IGSF21: variants seen among roughly 807,000 people sequenced by gnomAD.
IGSF21 encodes immunoglobin superfamily member 21, also known as immunoglobulin superfamily member 21.
IGSF21 carries 28 observed loss-of-function variants against 46.8 expected under a neutral mutation model. The ratio of observed to expected loss-of-function variants is 0.60; its 90% CI spans 0.44 to 0.82. The LOEUF (loss-of-function observed/expected upper bound fraction) is 0.82. Ranked by LOEUF, IGSF21 falls within the 40% of genes least tolerant of loss-of-function variation. The pLI is 0.00. For synonymous variants in IGSF21, 284 were observed against 273.6 expected (o/e 1.04, Z -0.38); for missense variants, 624 against 665.5 (o/e 0.94, Z 0.69).
intron 1 of IGSF21, chr1:18,114,143 G>T (rs1024199170): frequency 6.6e-6 from 1 of 152,174 alleles, no homozygotes; most frequent in African/African-American, 2.4e-5. Context: ...CTGGCTGGGG[G>T]TGACCAATCC....
At chr1:18,298,557 T>C (rs2085333039) in intron 3 of IGSF21, among the ~76,000 whole-genome samples, 2 of 152,264 alleles carry the variant, frequency 1.3e-5, no homozygotes, top group African/African-American at 4.8e-5. Context: ...AGGGTGGACC[T>C]GGGGGCCATG....
intron 4 of IGSF21, among the ~76,000 whole-genome samples, chr1:18,339,394 G>A (rs549933): frequency 0.91 from 138,436 of 152,170 alleles, 63,038 homozygotes; most frequent in Middle Eastern, 0.96. Flanking sequence ...CAGAGTGCAG[G>A]GAGTGGGGAC....
rs533371885 is a variant in IGSF21 at position 18,159,475 on chromosome 1, C to A, written c.70+51277C>A. On this transcript the variant is annotated intron_variant, in intron 1 of 9. Coordinates refer to ENST00000251296, the MANE Select transcript of IGSF21 (RefSeq NM_032880.5). ...GTGTTGTGGAAGGGACTGGTGGTTC[C>A]CCCATACTGTTCTCGTGGTAGTGAG... 2.6e-5 allele frequency among the ~76,000 whole-genome samples: 4 copies of A among 152,222 alleles called. No homozygotes were observed. The East Asian group carries it at 7.7e-4, about 29-fold the overall frequency.
intron 3 of IGSF21, among the ~76,000 whole-genome samples, chr1:18,305,205 T>TG (rs1461533886): frequency 2.1e-4 from 31 of 149,434 alleles, no homozygotes; most frequent in African/African-American, 7.3e-4. Flanking sequence ...GATGGATGGA[T>TG]GAATGGATAA....
rs873399 is a variant in IGSF21, at chr1:18,144,349, G to A, written c.70+36151G>A. Among the ~76,000 whole-genome samples, 1,170 of 152,186 alleles carry A rather than the reference G, an allele frequency of 7.7e-3. 11 individuals carry two copies. Among genetic ancestry groups the A allele is most frequent in the African/African-American group, 0.026 (1,099 of 41,540 alleles). ...CGCTGCCCCAGGCTAGGAGCCAAGG[G>A]CCCCATGCCCCCTTGGACTCAGTTC... On this transcript the variant is annotated intron_variant, in intron 1 of 9. Transcript: ENST00000251296.
chr1:18,207,942 C>A (rs1023401636), intron 1 of IGSF21, among the ~76,000 whole-genome samples: 5 of 151,994 alleles, frequency 3.3e-5, no homozygotes, highest in Non-Finnish European at 7.4e-5. Flanking sequence ...AGATCAGATA[C>A]AGAAGGGCTG....
intron 3 of IGSF21, among the ~76,000 whole-genome samples, chr1:18,307,530 C>T (rs956255959): frequency 5.3e-5 from 8 of 152,210 alleles, no homozygotes; most frequent in South Asian, 2.1e-4. Context: ...TGCCCAAGGT[C>T]ACACAGCAGG....
At chr1:18,269,778 TC>T (rs1481618536) in intron 2 of IGSF21, among the ~76,000 whole-genome samples, 5 of 152,098 alleles carry the variant, frequency 3.3e-5, no homozygotes, top group Non-Finnish European at 5.9e-5. Context: ...GACCTTTCTT[TC>T]CCCGCAGGGC....
At chr1:18,368,663 G>T (rs2086192975) in intron 6 of IGSF21, among the ~76,000 whole-genome samples, 1 of 152,006 alleles carries the variant, frequency 6.6e-6, no homozygotes, top group Non-Finnish European at 1.5e-5. Flanking sequence ...CCTCTCTCTG[G>T]ACCCTCCATC....
At chr1:18,370,488 A>T (rs2086214114) in intron 6 of IGSF21, among the ~76,000 whole-genome samples, 1 of 152,266 alleles carries the variant, frequency 6.6e-6, no homozygotes, top group Non-Finnish European at 1.5e-5. Flanking sequence ...AGAAGTCAGC[A>T]TCATGAAGCC....
intron 1 of IGSF21, among the ~76,000 whole-genome samples, chr1:18,208,397 T>A (rs2168387): frequency 0.021 from 1,895 of 91,744 alleles, 422 homozygotes; most frequent in Middle Eastern, 0.066. Flanking sequence ...ATATATATAT[T>A]TTTTGAGACG....
intron 2 of IGSF21, among the ~76,000 whole-genome samples, chr1:18,268,233 G>A (rs1021174212): frequency 2.4e-4 from 37 of 152,184 alleles, no homozygotes; most frequent in African/African-American, 8.4e-4. Context: ...AGAACTTTGG[G>A]AAGTCCAAGT....
chr1:18,253,230 C>CCTT (rs56225639), intron 2 of IGSF21, among the ~76,000 whole-genome samples: 54,977 of 152,010 alleles, frequency 0.36, 11,338 homozygotes, highest in East Asian at 0.6. Context: ...CACTATGCAT[C>CCTT]CTTGGCACCT....
intron 1 of IGSF21, among the ~76,000 whole-genome samples, chr1:18,137,510 T>C (rs1176893979): frequency 1.3e-5 from 2 of 152,152 alleles, no homozygotes; most frequent in African/African-American, 4.8e-5. Flanking sequence ...CTCTGAGACA[T>C]GCAGTCACTT....
chr1:18,225,047 A>G, intron 1 of IGSF21, among the ~76,000 whole-genome samples: 1 of 116,296 alleles, frequency 8.6e-6, no homozygotes, highest in Non-Finnish European at 1.8e-5. Context: ...CCTGGATGAC[A>G]GAGTGAGACT....
At chr1:18,280,741 C>A (rs2085150770) in intron 2 of IGSF21, among the ~76,000 whole-genome samples, 1 of 152,110 alleles carries the variant, frequency 6.6e-6, no homozygotes, top group African/African-American at 2.4e-5. Flanking sequence ...CCCTCCCACA[C>A]CAGGCCCTTC....
chr1:18,138,919 T>A (rs1288771789), intron 1 of IGSF21, among the ~76,000 whole-genome samples: 1 of 152,202 alleles, frequency 6.6e-6, no homozygotes, highest in Non-Finnish European at 1.5e-5. Flanking sequence ...AAAGAGAGTC[T>A]GGGAGAGTTG....
At chr1:18,206,976 G>T (rs1412528723) in intron 1 of IGSF21, among the ~76,000 whole-genome samples, 1 of 152,190 alleles carries the variant, frequency 6.6e-6, no homozygotes, top group Non-Finnish European at 1.5e-5. Flanking sequence ...CTACACTCAG[G>T]TCTCTACTCT....
intron 1 of IGSF21, among the ~76,000 whole-genome samples, chr1:18,225,431 T>A (rs1344533982): frequency 1.3e-5 from 2 of 152,008 alleles, no homozygotes; most frequent in Non-Finnish European, 2.9e-5. Context: ...ACACTTGCAA[T>A]TCCCTCATGG....
Sources: gnomAD v4.1 joint callset for allele counts (sites outside exome capture counted in the v4.1 genomes callset) on GRCh38, gnomAD v4.1.1 for gene constraint, MANE v1.5 for transcripts, NCBI Gene and HGNC (gene_info 2026-07-23, HGNC 2026-07-21) for gene names.